MYO1D: variants seen among roughly 807,000 people sequenced by gnomAD.
MYO1D encodes the protein unconventional myosin-Id.
In MYO1D, 83 loss-of-function variants were observed where a neutral mutation model predicts 122.0. The ratio of observed to expected loss-of-function variants is 0.68; its 90% CI spans 0.57 to 0.82. MYO1D has a LOEUF of 0.82. MYO1D is among the 40% of genes least tolerant of loss of function. The pLI, the probability that MYO1D is intolerant of heterozygous loss-of-function variation, is 0.00. For missense variants in MYO1D, 1,157 were observed against 1,269.5 expected (o/e 0.91, Z 1.35); for synonymous variants, 464 against 446.9 (o/e 1.04, Z -0.48).
rs560840648 is a variant in MYO1D, at chr17:32,702,865, G to A, written c.2121+9123C>T. ...TGCTACAAGCTGCGAGCCACAATTA[G>A]GCCTGAAATAAAAACTGGAAAACTC... On this transcript the variant is annotated intron_variant, in intron 16 of 21. Coordinates refer to ENST00000318217, the MANE Select transcript of MYO1D (RefSeq NM_015194.3). Among the ~76,000 whole-genome samples the A allele has an allele frequency of 4.6e-5, 7 of 152,226 alleles. No homozygotes were observed. The South Asian group carries it at 8.3e-4, about 18-fold the overall frequency.
chr17:32,658,725 GT>G (rs2088511525), intron 17 of MYO1D: 1 of 192,100 alleles, frequency 5.2e-6, no homozygotes, highest in South Asian at 9.9e-5. Context: ...TAAACTCCTT[GT>G]TATTCTAAGG....
chr17:32,869,724 A>C (rs2091162370), intron 1 of MYO1D, among the ~76,000 whole-genome samples: 1 of 152,200 alleles, frequency 6.6e-6, no homozygotes, highest in African/African-American at 2.4e-5. Flanking sequence ...CTCAAAGTTA[A>C]GCAAAAAGCC....
chr17:32,566,986 G>C (rs1461556245), intron 21 of MYO1D, among the ~76,000 whole-genome samples: 1 of 148,964 alleles, frequency 6.7e-6, no homozygotes, highest in South Asian at 2.1e-4. Flanking sequence ...TCCAAAGCCC[G>C]TGCTCCATCC....
In MYO1D at chr17:32,771,199, G is replaced by A; in HGVS notation, c.640C>T (p.Gln214Ter). 1 of 1,610,478 alleles carries A rather than the reference G, an allele frequency of 6.2e-7. No individual in the cohort carries two copies. Among genetic ancestry groups the A allele is most frequent in the Non-Finnish European group, 8.5e-7 (1 of 1,177,022 alleles). The change falls in exon 6 of 22, where the codon CAA becomes TAA. Residue 214 changes from glutamine (Q) to a stop codon, truncating the protein, a stop_gained. Coordinates refer to ENST00000318217, the MANE Select transcript of MYO1D (RefSeq NM_015194.3). LOFTEE classifies it high-confidence loss of function. ...FYQLLQGGSE[Q>*]MLRSLHLQKS... ...TGGAGATGTAGAGAGCGTAGCATTT[G>A]TTCTGAACCTCCTTGGAGTAGCTGA...
At chr17:32,504,457 G>A (rs553174742) in intron 21 of MYO1D, 1 of 152,472 alleles carries the variant, frequency 6.6e-6, no homozygotes, top group South Asian at 2.1e-4. Flanking sequence ...GGATGCTAGT[G>A]CTTTGTAGGA....
At chr17:32,645,242 C>G (rs1182807671) in intron 19 of MYO1D, among the ~76,000 whole-genome samples, 1 of 152,188 alleles carries the variant, frequency 6.6e-6, no homozygotes, top group African/African-American at 2.4e-5. Context: ...ATATTGGCCC[C>G]CACTCTCTTC....
intron 21 of MYO1D, among the ~76,000 whole-genome samples, chr17:32,555,615 C>T (rs1164707179): frequency 2.6e-5 from 4 of 152,168 alleles, no homozygotes; most frequent in South Asian, 2.1e-4. Context: ...CTAGGCTTGT[C>T]GCAATCTGCC....
intron 1 of MYO1D, among the ~76,000 whole-genome samples, chr17:32,876,057 C>T (rs1219177584): frequency 6.6e-6 from 1 of 152,084 alleles, no homozygotes; most frequent in Non-Finnish European, 1.5e-5. Flanking sequence ...ACAAGAGCTC[C>T]ATCCACTAAC....
intron 21 of MYO1D, among the ~76,000 whole-genome samples, chr17:32,514,382 C>T (rs868048636): frequency 1.3e-5 from 2 of 152,014 alleles, no homozygotes; most frequent in Admixed American, 6.5e-5. Flanking sequence ...TGTAAGCCAC[C>T]GCGGATGCCC....
Position 32,700,228 on chromosome 17 carries a change from G to A in MYO1D, c.2121+11760C>T, listed in dbSNP as rs1231333716. On this transcript the variant is annotated intron_variant, in intron 16 of 21. Transcript: ENST00000318217. ...GGGAGGTGGTAGGGGATGGTTTCGG[G>A]ATGAAACTGTTCCATCAGATCATCA... Among the ~76,000 whole-genome samples the A allele has an allele frequency of 4.6e-5, 7 of 152,346 alleles. No homozygotes were observed. The East Asian group carries it at 9.6e-4, about 21-fold the overall frequency.
chr17:32,786,663 T>C (rs920338089), intron 1 of MYO1D, among the ~76,000 whole-genome samples: 3 of 152,024 alleles, frequency 2.0e-5, no homozygotes, highest in Admixed American at 6.6e-5. Flanking sequence ...CTACTAAAAA[T>C]ACAAAAATTA....
intron 1 of MYO1D, among the ~76,000 whole-genome samples, chr17:32,832,184 C>A (rs925217073): frequency 6.6e-6 from 1 of 151,982 alleles, no homozygotes; most frequent in African/African-American, 2.4e-5. Flanking sequence ...TGGCTCACTG[C>A]AGCCTCAGCC....
intron 20 of MYO1D, among the ~76,000 whole-genome samples, chr17:32,609,569 C>T (rs551221784): frequency 3.4e-4 from 52 of 152,288 alleles, no homozygotes; most frequent in Admixed American, 1.2e-3. Flanking sequence ...GAGTTCAGCC[C>T]GTCTGCAGGC....
At chr17:32,864,548 GAAAAAAAAAAA>G (rs200717040) in intron 1 of MYO1D, among the ~76,000 whole-genome samples, 2 of 73,014 alleles carry the variant, frequency 2.7e-5, no homozygotes, top group Admixed American at 1.9e-4. Flanking sequence ...TTCTACGAAT[GAAAAAAAAAAA>G]AAAAAAAAAA....
chr17:32,771,150 T>C lies in MYO1D; in HGVS notation c.689A>G (p.Tyr230Cys), dbSNP rs140320920. 1,342 of 1,608,232 alleles carry C rather than the reference T, an allele frequency of 8.3e-4. 1 individual carries two copies. Among genetic ancestry groups the C allele is most frequent in the Non-Finnish European group, 1.1e-3 (1,256 of 1,175,006 alleles). Residue 230 changes from tyrosine (Y) to cysteine (C), a missense_variant, in exon 6 of 22, where the codon TAT becomes TGT. By Grantham distance (194) the Tyr-to-Cys change is radical. Transcript: ENST00000318217. The part of the protein sequence containing the change: ...HLQKSLSSYN[Y>C]IHVGAQLKSS... Reference sequence around the variant, plus strand: ...CTTTAATTGAGCTCCCACATGAATATAGTTGTAGGATGAAAGGGATTTCTG... The same window carrying C: ...CTTTAATTGAGCTCCCACATGAATACAGTTGTAGGATGAAAGGGATTTCTG...
Position 32,653,934 on chromosome 17 carries a change from G to A in MYO1D, c.2504C>T (p.Pro835Leu). 6.2e-7 allele frequency: 1 copy of A among 1,613,138 alleles called. No individual in the cohort carries two copies. Among genetic ancestry groups the A allele is most frequent in the Non-Finnish European group, 8.5e-7 (1 of 1,179,452 alleles). The change falls in exon 19 of 22, where the codon CCT becomes CTT. Residue 835 changes from proline to leucine, a missense_variant. Pro to Leu is a moderately conservative substitution (Grantham distance 98). Transcript: ENST00000318217. ...GNYLASKPDT[P>L]QTSGTFVPVA... The stretch of plus-strand genomic sequence containing the variant: ...AGGGACAAAAGTGCCTGAGGTCTGA[G>A]GTGTATCTGGCTTCTGAAAGAGAAA...
At chr17:32,536,941 G>A (rs1910682432) in intron 21 of MYO1D, among the ~76,000 whole-genome samples, 1 of 152,126 alleles carries the variant, frequency 6.6e-6, no homozygotes, top group African/African-American at 2.4e-5. Context: ...GTTGGGAAGA[G>A]TTCTATTTTT....
At chr17:32,690,697 CT>C (rs1038658481) in intron 16 of MYO1D, among the ~76,000 whole-genome samples, 56 of 152,160 alleles carry the variant, frequency 3.7e-4, no homozygotes, top group African/African-American at 1.4e-3. Context: ...TGCTCCTGCT[CT>C]TGCCATGTGA....
At chr17:32,714,917 T>C (rs1009629289) in intron 15 of MYO1D, among the ~76,000 whole-genome samples, 1 of 151,702 alleles carries the variant, frequency 6.6e-6, no homozygotes, top group Non-Finnish European at 1.5e-5. Context: ...ATCCATCTGA[T>C]AAAGGACTAA....
Sources: gnomAD v4.1 joint callset for allele counts (sites outside exome capture counted in the v4.1 genomes callset) on GRCh38, gnomAD v4.1.1 for gene constraint, MANE v1.5 for transcripts, NCBI Gene and HGNC (gene_info 2026-07-23, HGNC 2026-07-21) for gene names.